Variants in RALGPS2 observed in about 807,000 individuals in gnomAD.
The protein encoded by RALGPS2 is Ral GEF with PH domain and SH3 binding motif 2, also known as ras-specific guanine nucleotide-releasing factor RalGPS2.
In RALGPS2, 43 loss-of-function variants were observed where a neutral mutation model predicts 86.8. The observed-to-expected ratio is 0.50, with a 90% CI of 0.39 to 0.64. RALGPS2 has a LOEUF of 0.64. Ranked by LOEUF, RALGPS2 falls within the 30% of genes least tolerant of loss-of-function variation. The pLI is 0.00. For missense variants in RALGPS2, 536 were observed against 694.6 expected (o/e 0.77, Z 2.57); for synonymous variants, 243 against 231.3 (o/e 1.05, Z -0.46).
intron 8 of RALGPS2, chr1:178,853,590 T>G (rs1365882005): frequency 1.9e-6 from 3 of 1,591,222 alleles, no homozygotes; most frequent in South Asian, 1.2e-5. Flanking sequence ...CATCACTGAT[T>G]TACCTTATAA....
chr1:178,816,766 T>G (rs1408835870), intron 6 of RALGPS2, among the ~76,000 whole-genome samples: 3 of 151,238 alleles, frequency 2.0e-5, no homozygotes, highest in Non-Finnish European at 4.4e-5. Context: ...TGGTGCACAA[T>G]GGCGCAATCT....
chr1:178,897,527 C>A (rs1191268055), intron 16 of RALGPS2, 137 bp from the exon 17 acceptor site: 1 of 653,130 alleles, frequency 1.5e-6, no homozygotes. Context: ...ATTAAGATTT[C>A]AGAAGTGATA....
intron 1 of RALGPS2, among the ~76,000 whole-genome samples, chr1:178,772,494 T>C (rs1423028321): frequency 6.6e-6 from 1 of 152,242 alleles, no homozygotes; most frequent in Non-Finnish European, 1.5e-5. Flanking sequence ...TAGCAAATTA[T>C]CTTAGTGAAC....
chr1:178,855,798 G>C (rs569784214), intron 8 of RALGPS2, among the ~76,000 whole-genome samples: 3 of 151,626 alleles, frequency 2.0e-5, no homozygotes, highest in East Asian at 3.9e-4. Flanking sequence ...TTTTTCAAAG[G>C]CTTTTAAAAT....
Position 178,835,962 on chromosome 1 carries a change from A to T in RALGPS2, c.607+2412A>T, listed in dbSNP as rs189488470. On this transcript the variant is annotated intron_variant, in intron 8 of 19. Coordinates refer to ENST00000367635, the MANE Select transcript of RALGPS2 (RefSeq NM_152663.5). ...GAAAAGAAAATTAAGATTATTTTCC[A>T]TTCAAAATGAGAAAATAAGATAATA... is the stretch of plus-strand genomic sequence containing the variant. Among the ~76,000 whole-genome samples the T allele has an allele frequency of 1.9e-3, 296 of 152,332 alleles. 5 individuals carry two copies. Among genetic ancestry groups the T allele is most frequent in the Middle Eastern group, 0.01 (3 of 294 alleles).
intron 14 of RALGPS2, 78 bp downstream of exon 14, chr1:178,889,774 T>G: frequency 1.0e-6 from 1 of 996,854 alleles, no homozygotes; most frequent in Non-Finnish European, 1.5e-6. Flanking sequence ...TTTTCAGAGA[T>G]AATATTTACT....
chr1:178,892,153 T>A (rs1341580218), intron 14 of RALGPS2, 77 bp from the exon 15 acceptor site: 5 of 1,240,646 alleles, frequency 4.0e-6, no homozygotes, highest in Admixed American at 1.8e-5. Context: ...GAAACTATTA[T>A]ACTGTTCTAG....
chr1:178,760,755 A>T (rs1263459847), intron 1 of RALGPS2, among the ~76,000 whole-genome samples: 1 of 150,986 alleles, frequency 6.6e-6, no homozygotes, highest in Non-Finnish European at 1.5e-5. Flanking sequence ...CAGTCTGGTG[A>T]TGATATGCCT....
At chr1:178,801,703 G>C (rs1352582237) in intron 4 of RALGPS2, among the ~76,000 whole-genome samples, 1 of 151,868 alleles carries the variant, frequency 6.6e-6, no homozygotes, top group South Asian at 2.1e-4. Context: ...AGAGATTGTG[G>C]ATATGGCAAA....
intron 1 of RALGPS2, 44 bp downstream of exon 1, chr1:178,725,463 G>C (rs1649914607): frequency 6.7e-6 from 1 of 149,768 alleles, no homozygotes; most frequent in South Asian, 2.1e-4. Flanking sequence ...GAGGGAGGGA[G>C]GGAGGGTGGG....
rs1657996425 is a variant in RALGPS2 at position 178,861,357 on chromosome 1, G to A, written c.608-16141G>A. Among the ~76,000 whole-genome samples the A allele has an allele frequency of 2.0e-5, 3 of 151,978 alleles. No individual in the cohort carries two copies. In the South Asian group the frequency reaches 6.3e-4, roughly 32 times the overall value. ...TTAAAGAAAGTTTCACTGGGGATAG[G>A]TACACCATGTTTTCATTAAAACAAA... On this transcript the variant is annotated intron_variant, in intron 8 of 19. Coordinates refer to ENST00000367635, the MANE Select transcript of RALGPS2 (RefSeq NM_152663.5).
At chr1:178,774,273 CA>C (rs199847745) in intron 1 of RALGPS2, among the ~76,000 whole-genome samples, 19 of 140,338 alleles carry the variant, frequency 1.4e-4, no homozygotes, top group Non-Finnish European at 7.8e-5. Flanking sequence ...AACTCTGTCT[CA>C]AAAAAAAAAA....
intron 8 of RALGPS2, among the ~76,000 whole-genome samples, chr1:178,863,112 G>A (rs1163517177): frequency 6.6e-6 from 1 of 152,164 alleles, no homozygotes; most frequent in African/African-American, 2.4e-5. Context: ...GTAGCCTATG[G>A]AGTCTCTGTC....
At chr1:178,893,475 ATTTTT>A (rs1659805536) in intron 15 of RALGPS2, among the ~76,000 whole-genome samples, 1 of 131,142 alleles carries the variant, frequency 7.6e-6, no homozygotes, top group Non-Finnish European at 1.7e-5. Context: ...TTGAGCTTGT[ATTTTT>A]ATTTTCAGTT....
chr1:178,853,751 C>T, intron 8 of RALGPS2: 1 of 1,601,408 alleles, frequency 6.2e-7, no homozygotes, highest in Non-Finnish European at 8.5e-7. Flanking sequence ...GACCGAATGC[C>T]CAGCTTCTTT....
chr1:178,807,916 A>T (rs1009371421), intron 4 of RALGPS2, 129 bp from the exon 5 acceptor site: 13 of 695,606 alleles, frequency 1.9e-5, no homozygotes, highest in Middle Eastern at 2.7e-4. Context: ...ATATAATATT[A>T]TGTATGTTCC....
intron 8 of RALGPS2, among the ~76,000 whole-genome samples, chr1:178,875,774 T>A (rs1440187509): frequency 6.6e-6 from 1 of 151,400 alleles, no homozygotes; most frequent in Non-Finnish European, 1.5e-5. Context: ...AAAAAAAATA[T>A]GTATACTGGC....
At position 178,920,554 on chromosome 1, in the gene RALGPS2, T is replaced by C. The variant is rs1647267143; in HGVS notation, c.*4195T>C. 1.3e-5 allele frequency: 2 copies of C among 151,928 alleles called. No homozygotes were observed. The highest frequency in any genetic ancestry group is 1.3e-4 in the Admixed American group (2 of 15,240). The allele number at this position is 151,928 out of a possible 1,614,324, so 9.4% of individuals were successfully genotyped here. On this transcript the variant is annotated 3_prime_UTR_variant, in exon 20 of 20. Transcript: ENST00000367635. The stretch of plus-strand genomic sequence containing the variant: ...AGGTGATTGTTGCAGTCTTCCTTGG[T>C]TTTTGAGTCTTTTTAAACAAGCTCC...
At chr1:178,744,325 G>T (rs1188780904) in intron 1 of RALGPS2, among the ~76,000 whole-genome samples, 1 of 152,122 alleles carries the variant, frequency 6.6e-6, no homozygotes, top group East Asian at 1.9e-4. Context: ...GTCACTTTGA[G>T]AAAACTAGGA....
Sources: allele counts gnomAD v4.1 joint callset (sites outside exome capture counted in the v4.1 genomes callset), GRCh38; gene constraint gnomAD v4.1.1; transcripts MANE v1.5; gene names NCBI Gene and HGNC (gene_info 2026-07-23, HGNC 2026-07-21).